NTRK2: variants seen among roughly 807,000 people sequenced by gnomAD.
NTRK2 encodes neurotrophic receptor tyrosine kinase 2.
In NTRK2, 13 loss-of-function variants were observed where a neutral mutation model predicts 94.5. The ratio of observed to expected loss-of-function variants is 0.14; its 90% CI spans 0.09 to 0.22. NTRK2 has a LOEUF of 0.22. Ranked by LOEUF, NTRK2 falls within the 10% of genes least tolerant of loss-of-function variation. The pLI is 1.00. For missense variants in NTRK2, 639 were observed against 1,071.2 expected (o/e 0.60, Z 5.63); for synonymous variants, 372 against 407.4 (o/e 0.91, Z 1.05).
chr9:84,817,147 C>T (rs559580546), intron 12 of NTRK2, among the ~76,000 whole-genome samples: 3 of 152,164 alleles, frequency 2.0e-5, no homozygotes, highest in Non-Finnish European at 2.9e-5. Context: ...GTGGGACACT[C>T]GGTATTGCTA....
At chr9:84,872,446 G>A in intron 14 of NTRK2, 1 of 1,074,456 alleles carries the variant, frequency 9.3e-7, no homozygotes, top group African/African-American at 1.6e-5. Context: ...CCCTAGAGCA[G>A]CCTTGTAAAT....
chr9:84,892,672 A>T (rs937378283), intron 14 of NTRK2, among the ~76,000 whole-genome samples: 1 of 152,178 alleles, frequency 6.6e-6, no homozygotes, highest in African/African-American at 2.4e-5. Flanking sequence ...TGCAATCCCA[A>T]CACTTTGGGA....
At chr9:84,682,134 C>G (rs990680027) in intron 2 of NTRK2, among the ~76,000 whole-genome samples, 10 of 152,060 alleles carry the variant, frequency 6.6e-5, no homozygotes, top group African/African-American at 2.4e-4. Context: ...ACTTGTATCC[C>G]CTGGATGGAC....
chr9:84,801,297 C>T lies in NTRK2; in HGVS notation c.1396+49212C>T, dbSNP rs371478862. Reference sequence around the variant, plus strand: ...AGACTGCTTCTTGCTGCCTAACCAGCGGCAGGTGGGTTTCTTTCAGGCATC... The same window carrying T: ...AGACTGCTTCTTGCTGCCTAACCAGTGGCAGGTGGGTTTCTTTCAGGCATC... On this transcript the variant is annotated intron_variant, in intron 12 of 18. Transcript: ENST00000277120. 1.6e-4 allele frequency among the ~76,000 whole-genome samples: 25 copies of T among 152,288 alleles called. 1 individual carries two copies. The East Asian group carries it at 2.9e-3, about 18-fold the overall frequency.
chr9:84,843,658 G>A (rs2074309530), intron 12 of NTRK2, among the ~76,000 whole-genome samples: 1 of 152,218 alleles, frequency 6.6e-6, no homozygotes, highest in Non-Finnish European at 1.5e-5. Flanking sequence ...ACAAGTCAGG[G>A]AGTGTTGCAA....
chr9:84,713,598 T>TA (rs1039854674), intron 6 of NTRK2, among the ~76,000 whole-genome samples: 3 of 152,108 alleles, frequency 2.0e-5, no homozygotes, highest in Non-Finnish European at 2.9e-5. Flanking sequence ...TCATAGAAAT[T>TA]AAAAAAATAA....
intron 17 of NTRK2, among the ~76,000 whole-genome samples, chr9:84,991,538 A>G (rs574325771): frequency 6.6e-6 from 1 of 151,688 alleles, no homozygotes; most frequent in South Asian, 2.1e-4. Context: ...CCCCCAAACC[A>G]TTTTTCTCCC....
At chr9:84,688,830 C>A (rs535531392) in intron 2 of NTRK2, among the ~76,000 whole-genome samples, 77 of 152,260 alleles carry the variant, frequency 5.1e-4, no homozygotes, top group African/African-American at 1.6e-3. Context: ...AGTAGACATG[C>A]ATAATGGATT....
intron 14 of NTRK2, among the ~76,000 whole-genome samples, chr9:84,907,145 C>T (rs1057254349): frequency 1.4e-4 from 22 of 152,132 alleles, no homozygotes; most frequent in African/African-American, 4.8e-4. Flanking sequence ...TTTAGAATCA[C>T]TGACCACTAA....
intron 9 of NTRK2, among the ~76,000 whole-genome samples, chr9:84,741,466 G>A (rs2063644203): frequency 6.6e-6 from 1 of 152,134 alleles, no homozygotes; most frequent in South Asian, 2.1e-4. Flanking sequence ...AAATGGCCCT[G>A]CTACACAGTT....
chr9:85,000,592 A>G (rs1830228773), intron 17 of NTRK2, among the ~76,000 whole-genome samples: 1 of 152,202 alleles, frequency 6.6e-6, no homozygotes, highest in Non-Finnish European at 1.5e-5. Flanking sequence ...TCATGGCTTA[A>G]TAACTCATAT....
chr9:84,871,132 A>T (rs975814454), intron 14 of NTRK2, among the ~76,000 whole-genome samples: 1 of 152,140 alleles, frequency 6.6e-6, no homozygotes, highest in South Asian at 2.1e-4. Flanking sequence ...TTAGATCATC[A>T]TATAATCATA....
intron 14 of NTRK2, among the ~76,000 whole-genome samples, chr9:84,908,951 A>T (rs1201226848): frequency 6.6e-6 from 1 of 152,166 alleles, no homozygotes; most frequent in Non-Finnish European, 1.5e-5. Flanking sequence ...AGTTTCCCCC[A>T]ATAGTAACAC....
At chr9:84,837,024 A>C (rs928193932) in intron 12 of NTRK2, among the ~76,000 whole-genome samples, 2 of 150,490 alleles carry the variant, frequency 1.3e-5, no homozygotes, top group Non-Finnish European at 3.0e-5. Flanking sequence ...CAATGAGGGC[A>C]TTATTTCCCA....
rs1466167238 is a variant in NTRK2, at chr9:84,692,222, G to C, written c.213-9937G>C. Among the ~76,000 whole-genome samples the C allele has an allele frequency of 2.6e-5, 4 of 151,856 alleles. No homozygotes were observed. In the East Asian group the frequency reaches 5.8e-4, roughly 22 times the overall value. Reference sequence around the variant, plus strand: ...ACAATTATATTAATTAAATACGTTGGAAGAAAAAAAATTGTCAGAAAAAAA... The same window carrying C: ...ACAATTATATTAATTAAATACGTTGCAAGAAAAAAAATTGTCAGAAAAAAA... On this transcript the variant is annotated intron_variant, in intron 2 of 18. Coordinates refer to ENST00000277120, the MANE Select transcript of NTRK2 (RefSeq NM_006180.6).
At chr9:84,783,806 AC>A (rs2067851144) in intron 12 of NTRK2, among the ~76,000 whole-genome samples, 1 of 149,714 alleles carries the variant, frequency 6.7e-6, no homozygotes, top group Non-Finnish European at 1.5e-5. Flanking sequence ...GGGAGAAGAG[AC>A]TGCTGGGTTG....
At chr9:84,890,853 A>G (rs926247070) in intron 14 of NTRK2, among the ~76,000 whole-genome samples, 7 of 152,252 alleles carry the variant, frequency 4.6e-5, no homozygotes. Flanking sequence ...CTTCTCAGTC[A>G]TCTTCATTGA....
chr9:84,780,045 T>G (rs1015901652), intron 12 of NTRK2, among the ~76,000 whole-genome samples: 3 of 138,582 alleles, frequency 2.2e-5, no homozygotes, highest in East Asian at 4.0e-4. Context: ...GACTCTGCGG[T>G]TTTTTTTTTC....
rs984223635 is a variant in NTRK2 at position 84,691,678 on chromosome 9, C to T, written c.213-10481C>T. 2.0e-5 allele frequency among the ~76,000 whole-genome samples: 3 copies of T among 152,162 alleles called. No homozygotes were observed. In the South Asian group the frequency reaches 6.2e-4, roughly 32 times the overall value. ...AGCTGCAGAGGTACCAGCAGAGATGCAGGCTTCCTGGGGGAAGCAGCCCTG... is the reference window on the plus strand; with the variant it reads ...AGCTGCAGAGGTACCAGCAGAGATGTAGGCTTCCTGGGGGAAGCAGCCCTG... On this transcript the variant is annotated intron_variant, in intron 2 of 18. Coordinates refer to ENST00000277120, the MANE Select transcript of NTRK2 (RefSeq NM_006180.6).
Sources: allele counts gnomAD v4.1 joint callset (sites outside exome capture counted in the v4.1 genomes callset), GRCh38; gene constraint gnomAD v4.1.1; transcripts MANE v1.5; gene names NCBI Gene and HGNC (gene_info 2026-07-23, HGNC 2026-07-21).